The following CCSER2 variants were observed in gnomAD, a reference collection of about 807,000 sequenced individuals.
The protein encoded by CCSER2 is coiled-coil serine rich protein 2, also known as serine-rich coiled-coil domain-containing protein 2.
CCSER2 carries 46 observed loss-of-function variants against 92.3 expected under a neutral mutation model. The observed-to-expected ratio is 0.50, with a 90% CI of 0.39 to 0.64. CCSER2 has a LOEUF of 0.64. Ranked by LOEUF, CCSER2 falls within the 30% of genes least tolerant of loss-of-function variation. The pLI is 0.00. For missense variants in CCSER2, 1,244 were observed against 1,238.9 expected, an observed-to-expected ratio of 1.00 and a Z score of -0.06; for synonymous variants, 433 against 431.4, an observed-to-expected ratio of 1.00 and a Z score of -0.04.
chr10:84,436,125 C>G (rs991574761), intron 5 of CCSER2, among the ~76,000 whole-genome samples: 3 of 151,200 alleles, frequency 2.0e-5, no homozygotes, highest in African/African-American at 4.9e-5. Context: ...GTCAGGAGAT[C>G]GAGACCACCC....
At chr10:84,422,616 ATTGGGTTT>A (rs1843205864) in intron 4 of CCSER2, among the ~76,000 whole-genome samples, 1 of 152,094 alleles carries the variant, frequency 6.6e-6, no homozygotes, top group South Asian at 2.1e-4. Context: ...TGATCAGCAC[ATTGGGTTT>A]TTGAACTGGG....
intron 6 of CCSER2, among the ~76,000 whole-genome samples, chr10:84,459,248 T>C (rs1226395453): frequency 6.6e-6 from 1 of 152,206 alleles, no homozygotes; most frequent in Non-Finnish European, 1.5e-5. Context: ...CCTCATGTGG[T>C]CTGCCTGCCT....
At chr10:84,391,001 T>G in intron 3 of CCSER2, 1 of 772,494 alleles carries the variant, frequency 1.3e-6, no homozygotes, top group South Asian at 1.3e-5. Context: ...CATAAGAACC[T>G]GCTCGTGCTT....
Position 84,372,406 on chromosome 10 carries a change from T to G in CCSER2, c.1354T>G (p.Ser452Ala). 6.3e-7 allele frequency: 1 copy of G among 1,599,422 alleles called. No individual in the cohort carries two copies. The highest frequency in any genetic ancestry group is 8.5e-7 in the Non-Finnish European group (1 of 1,176,284). ...ENGPPQDMFD[S>A]PKENEKAFSK... The stretch of plus-strand genomic sequence containing the variant: ...TGGGCCACCACAGGATATGTTTGAT[T>G]CCCCCAAGGAAAATGAAAAAGCCTT... Residue 452 changes from serine (S) to alanine (A), a missense_variant, in exon 2 of 10, where the codon TCC (serine) becomes GCC (alanine). Transcript: ENST00000372088.
intron 9 of CCSER2, among the ~76,000 whole-genome samples, chr10:84,503,414 G>C (rs1228780269): frequency 2.0e-5 from 3 of 152,088 alleles, no homozygotes; most frequent in East Asian, 1.9e-4. Context: ...CTTTCCTGCT[G>C]TTAGTAGGGA....
chr10:84,390,752 C>T (rs1270973677), intron 3 of CCSER2, among the ~76,000 whole-genome samples: 2 of 152,170 alleles, frequency 1.3e-5, no homozygotes, highest in African/African-American at 2.4e-5. Flanking sequence ...ACATCAATGT[C>T]TTTCTCATCC....
chr10:84,417,712 A>G (rs1253549186), intron 3 of CCSER2, 59 bp from the exon 4 acceptor site: 4 of 810,098 alleles, frequency 4.9e-6, no homozygotes, highest in Non-Finnish European at 6.6e-6. Flanking sequence ...TTAAAAAATA[A>G]TGGTTGACAT....
chr10:84,376,664 T>C (rs755235196), intron 3 of CCSER2, among the ~76,000 whole-genome samples: 8 of 152,164 alleles, frequency 5.3e-5, no homozygotes, highest in East Asian at 1.9e-4. Flanking sequence ...GATTTTGATA[T>C]ATGTTTTTTT....
intron 1 of CCSER2, among the ~76,000 whole-genome samples, chr10:84,347,431 C>T (rs991962029): frequency 8.7e-5 from 13 of 149,454 alleles, no homozygotes; most frequent in South Asian, 4.2e-4. Context: ...ACCTCCCTCC[C>T]GGACGGGTCG....
At chr10:84,367,377 C>T (rs548961266) in intron 1 of CCSER2, among the ~76,000 whole-genome samples, 4 of 147,950 alleles carry the variant, frequency 2.7e-5, no homozygotes, top group South Asian at 2.2e-4. Context: ...TTTTTCTCCT[C>T]GATACTTTTT....
At chr10:84,463,583 A>G (rs776821960) in intron 6 of CCSER2, among the ~76,000 whole-genome samples, 8 of 152,200 alleles carry the variant, frequency 5.3e-5, no homozygotes, top group Non-Finnish European at 1.0e-4. Flanking sequence ...ACCAAAGCAG[A>G]TTCAGTTGAC....
intron 3 of CCSER2, among the ~76,000 whole-genome samples, chr10:84,392,446 T>A (rs1184717337): frequency 1.3e-5 from 2 of 151,378 alleles, no homozygotes; most frequent in Non-Finnish European, 2.9e-5. Context: ...AGAGGAACAA[T>A]TCTATAGCGC....
In CCSER2 at chr10:84,438,620, A is replaced by G; in HGVS notation, c.1977A>G (p.Ile659Met). ...TTGATGTACCAGAAAATACAGTGAT[A>G]CTGGATGAGATGACCCTTCGGCACA... Reference protein sequence around the residue: ...MFVDVPENTVILDEMTLRHMV... With the variant: ...MFVDVPENTVMLDEMTLRHMV... Residue 659 changes from isoleucine (I) to methionine (M), a missense_variant, in exon 6 of 10, where the codon ATA becomes ATG. Transcript: ENST00000372088. 4 of 1,613,614 alleles carry G rather than the reference A, an allele frequency of 2.5e-6. No homozygotes were observed. Among genetic ancestry groups the G allele is most frequent in the Non-Finnish European group, 3.4e-6 (4 of 1,179,560 alleles).
chr10:84,479,548 GA>G (rs1847340536), intron 9 of CCSER2, among the ~76,000 whole-genome samples: 4 of 152,194 alleles, frequency 2.6e-5, no homozygotes, highest in Admixed American at 2.6e-4. Flanking sequence ...GGGAAAGGAG[GA>G]AAAGCAGATA....
Position 84,515,060 on chromosome 10 carries a change from A to G in CCSER2, c.*793A>G, listed in dbSNP as rs1849550226. The G allele has an allele frequency of 6.6e-6, 1 of 152,618 alleles. No homozygotes were observed. Among genetic ancestry groups the G allele is most frequent in the South Asian group, 2.1e-4 (1 of 4,832 alleles). The allele number at this position is 152,618 out of a possible 1,614,324, so 9.5% of individuals were successfully genotyped here. On this transcript the variant is annotated 3_prime_UTR_variant, in exon 10 of 10. Transcript: ENST00000372088. ...AGATACACCTTGAAACCTGTACCTA[A>G]AGATGTATTCATTTGTAACATATGT...
At chr10:84,404,667 A>T (rs1195599615) in intron 3 of CCSER2, among the ~76,000 whole-genome samples, 1 of 151,874 alleles carries the variant, frequency 6.6e-6, no homozygotes, top group Non-Finnish European at 1.5e-5. Context: ...AGTTTGACTT[A>T]AAAAAAACAA....
At chr10:84,498,342 G>C (rs889558578) in intron 9 of CCSER2, among the ~76,000 whole-genome samples, 2 of 152,044 alleles carry the variant, frequency 1.3e-5, no homozygotes, top group Admixed American at 1.3e-4. Flanking sequence ...TTTCTAAGCT[G>C]TTTTTGCCAA....
At chr10:84,348,142 C>G (rs923539768) in intron 1 of CCSER2, among the ~76,000 whole-genome samples, 4 of 152,322 alleles carry the variant, frequency 2.6e-5, no homozygotes, top group Admixed American at 2.6e-4. Context: ...GATCACGCCA[C>G]TGCACTCCAG....
At chr10:84,481,174 A>G (rs758685963) in intron 9 of CCSER2, among the ~76,000 whole-genome samples, 185 of 152,184 alleles carry the variant, frequency 1.2e-3, no homozygotes, top group Non-Finnish European at 2.2e-3. Context: ...ATACAAGGGC[A>G]GGAGGGTTAC....
Sources: allele counts gnomAD v4.1 joint callset (sites outside exome capture counted in the v4.1 genomes callset), GRCh38; gene constraint gnomAD v4.1.1; transcripts MANE v1.5; gene names NCBI Gene and HGNC (gene_info 2026-07-23, HGNC 2026-07-21).